MID2: variants seen among roughly 807,000 people sequenced by gnomAD.
MID2 encodes midline 2, also known as probable E3 ubiquitin-protein ligase MID2.
In MID2, 13 loss-of-function variants were observed where a neutral mutation model predicts 46.1. That is an observed-to-expected ratio of 0.28 (90% CI 0.18 to 0.45). MID2 has a LOEUF of 0.45. Among genes scored for constraint, MID2 ranks in the 20% least tolerant of loss-of-function variants. MID2 has a pLI of 1.00. For synonymous variants in MID2, 199 were observed against 212.3 expected (o/e 0.94, Z 0.55); for missense variants, 431 against 575.4 (o/e 0.75, Z 2.57).
At position 107,926,114 on chromosome X, in the gene MID2, C is replaced by A. The variant is rs999850672; in HGVS notation, c.1618C>A (p.Pro540Thr). The A allele has an allele frequency of 5.9e-6, 7 of 1,196,065 alleles. No individual in the cohort carries two copies. The African/African-American group carries it at 1.1e-4, about 18-fold the overall frequency. The change falls in exon 9 of 10, where the codon CCC becomes ACC. Residue 540 changes from proline to threonine, a missense_variant. Coordinates refer to ENST00000262843, the MANE Select transcript of MID2 (RefSeq NM_012216.4). ...TTCAGGCCAACCCTTTAAATTGGAT[C>A]CCAAAATGACTCACAAGAAGTTGAA... is the stretch of plus-strand genomic sequence containing the variant. ...KTNSQPFKLD[P>T]KMTHKKLKIS...
intron 3 of MID2, among the ~76,000 whole-genome samples, chrX:107,868,136 A>G (rs1931995851): frequency 9.0e-6 from 1 of 111,668 alleles, no homozygotes; most frequent in Admixed American, 9.5e-5. Context: ...TTATATATCA[A>G]TAAAGCTCTT....
intron 2 of MID2, among the ~76,000 whole-genome samples, chrX:107,851,790 C>T (rs1276752935): frequency 6.3e-5 from 7 of 111,538 alleles, no homozygotes; most frequent in African/African-American, 2.3e-4. Context: ...CTCTTTCTAC[C>T]CTCTGTTCTA....
intron 2 of MID2, among the ~76,000 whole-genome samples, chrX:107,851,484 A>G (rs763238474): frequency 1.8e-4 from 20 of 111,213 alleles, no homozygotes; most frequent in African/African-American, 6.5e-4. Context: ...GCATTACCCT[A>G]CGGCCTTGAA....
chrX:107,855,458 A>C (rs1931720179), intron 3 of MID2, among the ~76,000 whole-genome samples: 2 of 111,978 alleles, frequency 1.8e-5, no homozygotes, highest in South Asian at 7.5e-4. Context: ...TGAAGAGCTG[A>C]TGGTAGGGCT....
rs1930941564 is a variant in MID2 at position 107,826,317 on chromosome X, G to T, written c.-110G>T. On this transcript the variant is annotated 5_prime_UTR_variant, in exon 1 of 10. Transcript: ENST00000262843. ...CTACAGTGGTAGCGGCGGCGGCGGC[G>T]ACCGGGGCCCGGGAGCTCGCGCCGG... 1 of 939,219 alleles carries T rather than the reference G, an allele frequency of 1.1e-6. No individual in the cohort carries two copies. The highest frequency in any genetic ancestry group is 1.4e-6 in the Non-Finnish European group (1 of 721,459). The allele number at this position is 939,219 out of a possible 1,213,427, so 77.4% of individuals were successfully genotyped here.
chrX:107,889,604 T>A (rs1932549598), intron 3 of MID2, among the ~76,000 whole-genome samples: 2 of 111,147 alleles, frequency 1.8e-5, no homozygotes, highest in South Asian at 7.7e-4. Context: ...GTCTTGGAGT[T>A]GCTCTTCTCG....
chrX:107,916,212 A>G (rs1297293303), intron 6 of MID2, 83 bp downstream of exon 6: 6 of 771,922 alleles, frequency 7.8e-6, no homozygotes, highest in South Asian at 4.1e-5. Context: ...GAAAAAGACA[A>G]TATTTATAAT....
At chrX:107,873,938 G>C (rs1932134481) in intron 3 of MID2, among the ~76,000 whole-genome samples, 1 of 112,238 alleles carries the variant, frequency 8.9e-6, no homozygotes. Context: ...AATGTTAACT[G>C]TTTTTCCTTT....
rs1933217012 is a variant in MID2, at chrX:107,928,059, T to A, written c.*986T>A. ...CTGTCATAGACTATTAAAAAAAAAG[T>A]TTTACTACTCCCAAGTACACACAGT... On this transcript the variant is annotated 3_prime_UTR_variant, in exon 10 of 10. Coordinates refer to ENST00000262843, the MANE Select transcript of MID2 (RefSeq NM_012216.4). Among the ~76,000 whole-genome samples the A allele has an allele frequency of 1.8e-5, 2 of 111,191 alleles. No homozygotes were observed. Among genetic ancestry groups the A allele is most frequent in the African/African-American group, 6.5e-5 (2 of 30,552 alleles).
At chrX:107,869,532 G>A (rs1932023463) in intron 3 of MID2, among the ~76,000 whole-genome samples, 1 of 111,637 alleles carries the variant, frequency 9.0e-6, no homozygotes, top group South Asian at 3.7e-4. Flanking sequence ...TATTACAGTT[G>A]TGTATTAGTT....
intron 7 of MID2, among the ~76,000 whole-genome samples, chrX:107,921,359 A>T (rs926481554): frequency 8.1e-5 from 9 of 111,327 alleles, no homozygotes; most frequent in African/African-American, 2.9e-4. Context: ...TTCACTGATG[A>T]TGCTAATTTT....
chrX:107,891,279 C>CTT (rs753102005), intron 3 of MID2, among the ~76,000 whole-genome samples: 11 of 93,345 alleles, frequency 1.2e-4, no homozygotes, highest in South Asian at 4.8e-4. Context: ...TGTTTTATAC[C>CTT]TTTTTTTTTT....
At chrX:107,846,946 CAT>C (rs1931497794) in intron 2 of MID2, among the ~76,000 whole-genome samples, 1 of 111,598 alleles carries the variant, frequency 9.0e-6, no homozygotes, top group Admixed American at 9.5e-5. Flanking sequence ...GGCAAAGAAA[CAT>C]ATTACAGAAA....
At chrX:107,866,324 T>A (rs1411701151) in intron 3 of MID2, among the ~76,000 whole-genome samples, 1 of 110,891 alleles carries the variant, frequency 9.0e-6, no homozygotes, top group Non-Finnish European at 1.9e-5. Context: ...ATACGCAAAT[T>A]GCATATTGTC....
intron 2 of MID2, among the ~76,000 whole-genome samples, chrX:107,849,921 C>A: frequency 9.0e-6 from 1 of 111,712 alleles, no homozygotes; most frequent in Non-Finnish European, 1.9e-5. Flanking sequence ...TCATCCTGCC[C>A]CCTGGCTGCC....
intron 1 of MID2, 65 bp downstream of exon 1, chrX:107,826,495 C>T (rs1262691716): frequency 2.8e-6 from 3 of 1,080,806 alleles, no homozygotes; most frequent in Admixed American, 6.6e-5. Flanking sequence ...GGGCTAGTCT[C>T]CGGCTCCGGC....
intron 1 of MID2, among the ~76,000 whole-genome samples, chrX:107,837,311 A>G (rs781698084): frequency 8.0e-5 from 9 of 111,934 alleles, no homozygotes; most frequent in Non-Finnish European, 1.7e-4. Flanking sequence ...ATACATAGAC[A>G]TGGCTTTCAG....
rs1413821846 is a variant in MID2 at position 107,826,437 on chromosome X, C to T, written c.4+7C>T. Reference sequence around the variant, plus strand: ...GCACCTGGGAACGCTATGGGTAAAACGCGCCCCCTCGCCGCGGCCCTGGAG... The same window carrying T: ...GCACCTGGGAACGCTATGGGTAAAATGCGCCCCCTCGCCGCGGCCCTGGAG... On this transcript the variant is annotated splice_region_variant and intron_variant, in intron 1 of 9. Coordinates refer to ENST00000262843, the MANE Select transcript of MID2 (RefSeq NM_012216.4). 7 of 1,133,735 alleles carry T rather than the reference C, an allele frequency of 6.2e-6. No homozygotes were observed. The highest frequency in any genetic ancestry group is 2.8e-5 in the Admixed American group (1 of 35,581). The allele number at this position is 1,133,735 out of a possible 1,213,427, so 93.4% of individuals were successfully genotyped here.
intron 3 of MID2, among the ~76,000 whole-genome samples, chrX:107,871,786 T>C (rs112362194): frequency 0.019 from 2,074 of 111,206 alleles, 51 homozygotes; most frequent in African/African-American, 0.063. Flanking sequence ...AGCTGCTTCT[T>C]TCCAACTTCC....
Sources: gnomAD v4.1 joint callset for allele counts (sites outside exome capture counted in the v4.1 genomes callset) on GRCh38, gnomAD v4.1.1 for gene constraint, MANE v1.5 for transcripts, NCBI Gene and HGNC (gene_info 2026-07-23, HGNC 2026-07-21) for gene names.